Variants in CSMD3 observed in about 807,000 individuals in gnomAD.
The protein encoded by CSMD3 is CUB and sushi domain-containing protein 3.
Under a neutral mutation model 435.2 loss-of-function variants are expected in CSMD3, and 177 were observed. That is an observed-to-expected ratio of 0.41 (90% confidence interval 0.36 to 0.46). The LOEUF is 0.46. Ranked by LOEUF, CSMD3 falls within the 20% of genes least tolerant of loss-of-function variation. The probability of loss-of-function intolerance (pLI) is 0.34; values close to 1 mark genes in which losing one functional copy is unlikely to be tolerated. For missense variants in CSMD3, 4,265 were observed against 4,504.6 expected, an observed-to-expected ratio of 0.95 and a Z score of 1.52; for synonymous variants, 1,656 against 1,520.5, an observed-to-expected ratio of 1.09 and a Z score of -2.07.
At chr8:112,288,196 CTTTTAAATATCTGTG>C (rs1819402981) in intron 57 of CSMD3, among the ~76,000 whole-genome samples, 1 of 121,920 alleles carries the variant, frequency 8.2e-6, no homozygotes, top group Non-Finnish European at 1.6e-5. Context: ...TAGTATTTCA[CTTTTAAATATCTGTG>C]TACCATTTTA....
chr8:113,099,758 TG>T (rs1306408274), intron 4 of CSMD3, among the ~76,000 whole-genome samples: 2 of 152,090 alleles, frequency 1.3e-5, no homozygotes, highest in Non-Finnish European at 2.9e-5. Context: ...TGAGTAGCTG[TG>T]TTTGGTATGC....
chr8:112,891,918 T>A (rs1007494050), intron 10 of CSMD3, among the ~76,000 whole-genome samples: 13 of 151,382 alleles, frequency 8.6e-5, no homozygotes, highest in African/African-American at 2.9e-4. Context: ...TGTGTGTATG[T>A]GTGTGTGTGT....
chr8:113,353,502 A>G (rs1053348905), intron 1 of CSMD3, among the ~76,000 whole-genome samples: 1 of 152,176 alleles, frequency 6.6e-6, no homozygotes, highest in Non-Finnish European at 1.5e-5. Flanking sequence ...CAAATTTGTT[A>G]GCCTCACATT....
At chr8:112,940,921 A>G (rs2083432572) in intron 9 of CSMD3, among the ~76,000 whole-genome samples, 2 of 151,862 alleles carry the variant, frequency 1.3e-5, no homozygotes, top group Non-Finnish European at 2.9e-5. Flanking sequence ...GTTTTAATCA[A>G]TTCAATTAAT....
intron 5 of CSMD3, among the ~76,000 whole-genome samples, chr8:113,035,660 GA>G (rs1256016013): frequency 2.0e-5 from 3 of 151,642 alleles, no homozygotes; most frequent in Non-Finnish European, 4.4e-5. Context: ...ATACATCTAA[GA>G]AAAAAATAAT....
intron 38 of CSMD3, among the ~76,000 whole-genome samples, chr8:112,366,862 G>A (rs1827830485): frequency 6.6e-6 from 1 of 152,146 alleles, no homozygotes; most frequent in Non-Finnish European, 1.5e-5. Context: ...TGGACAAAAT[G>A]GCTGGTATCA....
intron 38 of CSMD3, 44 bp downstream of exon 38, chr8:112,380,308 A>G (rs759322015): frequency 1.5e-5 from 15 of 1,032,916 alleles, no homozygotes; most frequent in Middle Eastern, 2.3e-4. Context: ...ATTAATATAA[A>G]CTTGTTCTTA....
intron 13 of CSMD3, among the ~76,000 whole-genome samples, chr8:112,704,677 T>C (rs891764223): frequency 7.2e-5 from 11 of 152,276 alleles, no homozygotes; most frequent in South Asian, 6.2e-4. Context: ...AGAGAATACA[T>C]TGAAATACAC....
rs2132668962 is a variant in CSMD3, at chr8:113,314,570, C to T, written c.401+1G>A. ...CAGTCTTCCATTCAAAACACACTAA[C>T]CTTGTCCTAAAGTTTGTAGGATGAG... On this transcript the variant is annotated splice_donor_variant, in intron 2 of 70. Coordinates refer to ENST00000297405, the MANE Select transcript of CSMD3 (RefSeq NM_198123.2). LOFTEE classifies it high-confidence loss of function. 3 of 1,564,604 alleles carry T rather than the reference C, an allele frequency of 1.9e-6. No individual in the cohort carries two copies. The highest frequency in any genetic ancestry group is 2.6e-6 in the Non-Finnish European group (3 of 1,135,180).
chr8:112,244,728 C>A (rs1341411404), intron 64 of CSMD3, among the ~76,000 whole-genome samples, 155 bp from the exon 65 acceptor site: 4 of 151,936 alleles, frequency 2.6e-5, no homozygotes, highest in Non-Finnish European at 5.9e-5. Context: ...TGTTTCAATG[C>A]AAATATACTT....
chr8:112,478,010 G>A (rs1819239277), intron 31 of CSMD3, among the ~76,000 whole-genome samples: 1 of 152,050 alleles, frequency 6.6e-6, no homozygotes. Context: ...AGGATCTGAT[G>A]ATTTTAAAAA....
intron 2 of CSMD3, among the ~76,000 whole-genome samples, chr8:113,295,745 C>A (rs201780445): frequency 2.6e-5 from 4 of 152,108 alleles, no homozygotes; most frequent in Non-Finnish European, 5.9e-5. Context: ...GTGGCAATTC[C>A]TCAGATATCT....
At chr8:113,152,335 A>G (rs2091827021) in intron 4 of CSMD3, among the ~76,000 whole-genome samples, 1 of 152,064 alleles carries the variant, frequency 6.6e-6, no homozygotes, top group African/African-American at 2.4e-5. Context: ...TTTCACGAAG[A>G]TACGTAAAAA....
intron 12 of CSMD3, among the ~76,000 whole-genome samples, chr8:112,828,815 G>T (rs2079775955): frequency 6.6e-6 from 1 of 152,078 alleles, no homozygotes; most frequent in Non-Finnish European, 1.5e-5. Flanking sequence ...GGGGAAAGAG[G>T]TTGAAGTTGA....
intron 12 of CSMD3, among the ~76,000 whole-genome samples, chr8:112,803,319 T>C (rs2079003115): frequency 6.6e-6 from 1 of 152,166 alleles, no homozygotes; most frequent in East Asian, 1.9e-4. Flanking sequence ...CCAGTTCTCC[T>C]AGTTAGTGTA....
chr8:113,179,350 T>C (rs891924801), intron 3 of CSMD3, among the ~76,000 whole-genome samples: 2 of 151,824 alleles, frequency 1.3e-5, no homozygotes, highest in African/African-American at 4.8e-5. Flanking sequence ...TATATTATGA[T>C]CTTCTAGAGG....
intron 13 of CSMD3, among the ~76,000 whole-genome samples, chr8:112,780,923 G>A (rs1444696978): frequency 6.6e-6 from 1 of 152,062 alleles, no homozygotes; most frequent in African/African-American, 2.4e-5. Flanking sequence ...AAATCCTGGT[G>A]CTGTGCTGGG....
At chr8:113,303,370 C>A (rs1432859220) in intron 2 of CSMD3, among the ~76,000 whole-genome samples, 7 of 150,884 alleles carry the variant, frequency 4.6e-5, no homozygotes, top group African/African-American at 9.8e-5. Flanking sequence ...CCGTCCCCAT[C>A]AAGCTACCAA....
intron 1 of CSMD3, among the ~76,000 whole-genome samples, chr8:113,327,744 G>C (rs2093993951): frequency 6.6e-6 from 1 of 151,350 alleles, no homozygotes; most frequent in Admixed American, 6.6e-5. Context: ...TCCATGGTTA[G>C]AGCCCTATCC....
Sources: gnomAD v4.1 joint callset for allele counts (sites outside exome capture counted in the v4.1 genomes callset) on GRCh38, gnomAD v4.1.1 for gene constraint, MANE v1.5 for transcripts, NCBI Gene and HGNC (gene_info 2026-07-23, HGNC 2026-07-21) for gene names.